B3GNT6: variants seen among roughly 807,000 people sequenced by gnomAD.
The protein encoded by B3GNT6 is UDP-GlcNAc:betaGal beta-1,3-N-acetylglucosaminyltransferase 6, also known as acetylgalactosaminyl-O-glycosyl-glycoprotein beta-1,3-N-acetylglucosaminyltransferase.
For missense variants in B3GNT6, 624 were observed against 568.6 expected, an observed-to-expected ratio of 1.10 and a Z score of -0.99; for synonymous variants, 300 against 270.0, an observed-to-expected ratio of 1.11 and a Z score of -1.09.
intron 1 of B3GNT6, among the ~76,000 whole-genome samples, chr11:77,038,333 G>C (rs1949655344): frequency 6.6e-6 from 1 of 151,420 alleles, no homozygotes; most frequent in Admixed American, 6.6e-5. Context: ...GCTGAGGTGG[G>C]AGGATCACTT....
chr11:77,039,603 C>T lies in B3GNT6; in HGVS notation c.52C>T (p.Leu18=). The change falls in exon 2 of 2, where the codon CTG becomes TTG. Residue 18 remains leucine, a synonymous_variant. Transcript: ENST00000622824. ...GACTGCCAAGACTCTGGCCTGCCTCCTGGTGGGCGTGAGTTTCTTAGCACT... is the reference window on the plus strand; with the variant it reads ...GACTGCCAAGACTCTGGCCTGCCTCTTGGTGGGCGTGAGTTTCTTAGCACT... The part of the protein sequence containing the change: ...SLTAKTLACL[L]VGVSFLALQQ... 5 of 1,610,038 alleles carry T rather than the reference C, an allele frequency of 3.1e-6. No homozygotes were observed. The highest frequency in any genetic ancestry group is 4.2e-6 in the Non-Finnish European group (5 of 1,178,360).
intron 1 of B3GNT6, among the ~76,000 whole-genome samples, chr11:77,036,158 A>G (rs1949631540): frequency 6.6e-6 from 1 of 152,088 alleles, no homozygotes; most frequent in Non-Finnish European, 1.5e-5. Flanking sequence ...CATTCATTGA[A>G]AAAAAAATAT....
chr11:77,034,449 T>C lies in B3GNT6; in HGVS notation c.-30T>C, dbSNP rs1555026728. 6.5e-6 allele frequency: 1 copy of C among 152,712 alleles called. No individual in the cohort carries two copies. Among genetic ancestry groups the C allele is most frequent in the Non-Finnish European group, 1.5e-5 (1 of 68,142 alleles). 9.5% of individuals were successfully genotyped at this position (152,712 alleles called of 1,614,324 possible). A position where few individuals can be genotyped will look rare whatever the true frequency, so the allele number is the denominator to read the frequency against. On this transcript the variant is annotated 5_prime_UTR_variant, in exon 1 of 2. Coordinates refer to ENST00000622824, the MANE Select transcript of B3GNT6 (RefSeq NM_138706.5). The stretch of plus-strand genomic sequence containing the variant: ...CTAGTCTCAGGCTGGGGATGGCTCC[T>C]GTCTATTTCTTCTCTCTCAGAGACT...
In B3GNT6 at chr11:77,041,956, CAAAAA is replaced by C. The variant is rs34049682; in HGVS notation, c.*1263_*1267del. ...TGGGCGACAGAGCAAGACTGCATCT[CAAAAA>C]AAAAAAAAAAAAGGAGAGTTTGCAA... On this transcript the variant is annotated 3_prime_UTR_variant, in exon 2 of 2. Coordinates refer to ENST00000622824, the MANE Select transcript of B3GNT6 (RefSeq NM_138706.5). The C allele has an allele frequency of 3.0e-5, 3 of 98,552 alleles. No individual in the cohort carries two copies. The highest frequency in any genetic ancestry group is 6.4e-5 in the Non-Finnish European group (3 of 46,736). 6.1% of individuals were successfully genotyped at this position (98,552 alleles called of 1,614,324 possible). A position where few individuals can be genotyped will look rare whatever the true frequency, so the allele number is the denominator to read the frequency against.
intron 1 of B3GNT6, among the ~76,000 whole-genome samples, chr11:77,034,727 T>G (rs988338872): frequency 1.3e-5 from 2 of 152,226 alleles, no homozygotes; most frequent in Admixed American, 1.3e-4. Flanking sequence ...ATGAATATTC[T>G]GCTATACGAA....
chr11:77,041,032 G>A lies in B3GNT6; in HGVS notation c.*326G>A. 3.2e-6 allele frequency: 1 copy of A among 314,464 alleles called. No individual in the cohort carries two copies. The highest frequency in any genetic ancestry group is 5.7e-6 in the Non-Finnish European group (1 of 174,332). The allele number at this position is 314,464 out of a possible 1,614,324, so 19.5% of individuals were successfully genotyped here. A position where few individuals can be genotyped will look rare whatever the true frequency, so the allele number is the denominator to read the frequency against. On this transcript the variant is annotated 3_prime_UTR_variant, in exon 2 of 2. Transcript: ENST00000622824. ...CAAAGCCAGCTCCACCGCCCTCTCT[G>A]CAAGAATTCCGGGCCCCTCGCTCCC... is the stretch of plus-strand genomic sequence containing the variant.
rs782378349 is a variant in B3GNT6, at chr11:77,040,044, G to T, written c.493G>T (p.Glu165Ter). Reference sequence around the variant, plus strand: ...ATTGGGCACCCCGGGCCCCGAGGACGAGGCGCGCGCGGAGCGGCTGGCGGA... The same window carrying T: ...ATTGGGCACCCCGGGCCCCGAGGACTAGGCGCGCGCGGAGCGGCTGGCGGA... ...FLLGTPGPEDEARAERLAELV... is the reference protein window; with the variant it reads ...FLLGTPGPED The change falls in exon 2 of 2, where the codon GAG becomes TAG. Residue 165 changes from glutamate to a stop codon, truncating the protein, a stop_gained. Coordinates refer to ENST00000622824, the MANE Select transcript of B3GNT6 (RefSeq NM_138706.5). LOFTEE classifies it low-confidence loss of function (END_TRUNC). 1.1e-5 allele frequency: 18 copies of T among 1,582,030 alleles called. No homozygotes were observed. Among genetic ancestry groups the T allele is most frequent in the African/African-American group, 8.2e-5 (6 of 73,554 alleles).
At position 77,040,340 on chromosome 11, in the gene B3GNT6, G is replaced by A. The variant is rs1303473723; in HGVS notation, c.789G>A (p.Lys263=). 4 of 1,552,870 alleles carry A rather than the reference G, an allele frequency of 2.6e-6. No homozygotes were observed. Among genetic ancestry groups the A allele is most frequent in the Non-Finnish European group, 1.7e-6 (2 of 1,156,660 alleles). ...GSVPIRDSWS[K]YFVPPQLFPG... is the part of the protein sequence containing the mutation. ...TGCCCATCCGCGACAGCTGGAGCAA[G>A]TACTTCGTGCCGCCGCAGCTCTTCC... The change falls in exon 2 of 2, where the codon AAG becomes AAA. Residue 263 remains lysine (K), a synonymous_variant. Transcript: ENST00000622824.
rs782600984 is a variant in B3GNT6, at chr11:77,039,594, GCCTGCCT to G, written c.48_54del (p.Cys16TrpfsTer4). Reference sequence around the variant, plus strand: ...CAGGTCCCTGACTGCCAAGACTCTGGCCTGCCTCCTGGTGGGCGTGAGTTTCTTAGCA... The same window carrying G: ...CAGGTCCCTGACTGCCAAGACTCTGGCCTGGTGGGCGTGAGTTTCTTAGCA... On this transcript the variant is annotated frameshift_variant, in exon 2 of 2. Coordinates refer to ENST00000622824, the MANE Select transcript of B3GNT6 (RefSeq NM_138706.5). LOFTEE classifies it low-confidence loss of function (END_TRUNC). 3.1e-6 allele frequency: 5 copies of G among 1,607,376 alleles called. No individual in the cohort carries two copies. The East Asian group carries it at 1.1e-4, about 36-fold the overall frequency.
intron 1 of B3GNT6, among the ~76,000 whole-genome samples, chr11:77,038,575 CAAAT>C (rs1363763469): frequency 2.6e-5 from 4 of 151,972 alleles, no homozygotes; most frequent in South Asian, 2.1e-4. Context: ...GACCCTGTCT[CAAAT>C]AAATAAATAG....
At chr11:77,039,451 G>A in intron 1 of B3GNT6, 101 bp from the exon 2 acceptor site, 4 of 1,497,292 alleles carry the variant, frequency 2.7e-6, no homozygotes, top group Middle Eastern at 1.8e-4. Context: ...TTGAGAAGGG[G>A]CTGGAGCTGG....
chr11:77,041,484 C>A lies in B3GNT6; in HGVS notation c.*778C>A, dbSNP rs1555028049. 6.6e-6 allele frequency: 1 copy of A among 152,482 alleles called. No individual in the cohort carries two copies. The highest frequency in any genetic ancestry group is 1.5e-5 in the Non-Finnish European group (1 of 68,234). The allele number at this position is 152,482 out of a possible 1,614,324, so 9.4% of individuals were successfully genotyped here. ...CACCCCCACGGGTCAGAGACAGGCT[C>A]CTTGCCGGGGTCTGGGCCTCAGGCT... On this transcript the variant is annotated 3_prime_UTR_variant, in exon 2 of 2. Transcript: ENST00000622824.
Position 77,040,903 on chromosome 11 carries a change from C to T in B3GNT6, c.*197C>T. On this transcript the variant is annotated 3_prime_UTR_variant, in exon 2 of 2. Coordinates refer to ENST00000622824, the MANE Select transcript of B3GNT6 (RefSeq NM_138706.5). ...CTCCCGAAGTTTCGATTTGATTAGTCTGGGGTGGACCCAGACATGTTAAGT... is the reference window on the plus strand; with the variant it reads ...CTCCCGAAGTTTCGATTTGATTAGTTTGGGGTGGACCCAGACATGTTAAGT... 1 of 861,870 alleles carries T rather than the reference C, an allele frequency of 1.2e-6. No individual in the cohort carries two copies. Among genetic ancestry groups the T allele is most frequent in the Non-Finnish European group, 1.6e-6 (1 of 607,076 alleles). The allele number at this position is 861,870 out of a possible 1,614,324, so 53.4% of individuals were successfully genotyped here.
Position 77,040,493 on chromosome 11 carries a change from G to C in B3GNT6, c.942G>C (p.Met314Ile). 1 of 1,541,556 alleles carries C rather than the reference G, an allele frequency of 6.5e-7. No individual in the cohort carries two copies. Residue 314 changes from methionine (M) to isoleucine (I), a missense_variant, in exon 2 of 2, where the codon ATG (methionine) becomes ATC (isoleucine). Physicochemically the swap from Met to Ile is conservative, Grantham distance 10. Transcript: ENST00000622824. The part of the protein sequence containing the change: ...LFPIDDAYMG[M>I]CLERAGLAPS... Reference sequence around the variant, plus strand: ...CCATCGACGACGCCTACATGGGCATGTGTCTGGAGCGCGCCGGCCTGGCGC... The same window carrying C: ...CCATCGACGACGCCTACATGGGCATCTGTCTGGAGCGCGCCGGCCTGGCGC...
intron 1 of B3GNT6, among the ~76,000 whole-genome samples, chr11:77,039,135 T>C (rs1405061322): frequency 1.3e-5 from 2 of 151,992 alleles, no homozygotes; most frequent in Non-Finnish European, 2.9e-5. Flanking sequence ...GAGAGGGATG[T>C]AGGGCGCAGA....
At chr11:77,038,758 T>C (rs1432087978) in intron 1 of B3GNT6, among the ~76,000 whole-genome samples, 5 of 151,346 alleles carry the variant, frequency 3.3e-5, no homozygotes, top group African/African-American at 1.2e-4. Flanking sequence ...AGGTGAATGT[T>C]TGGGAACAGC....
chr11:77,040,712 G>C lies in B3GNT6; in HGVS notation c.*6G>C, dbSNP rs1555027895. The C allele has an allele frequency of 4.4e-5, 68 of 1,559,036 alleles. No homozygotes were observed. The highest frequency in any genetic ancestry group is 5.9e-5 in the Non-Finnish European group (68 of 1,158,814). On this transcript the variant is annotated 3_prime_UTR_variant, in exon 2 of 2. Transcript: ENST00000622824. ...GGGGACACCGGGTCTCCTGAGGCCA[G>C]TTGGGCGGCTTCAGCCCCGGGCCTC...
intron 1 of B3GNT6, among the ~76,000 whole-genome samples, chr11:77,036,581 A>T (rs10899346): frequency 0.42 from 64,570 of 152,132 alleles, 15,456 homozygotes; most frequent in African/African-American, 0.67. Context: ...CCTAACAGCT[A>T]ATATTTACTG....
chr11:77,039,614 G>C lies in B3GNT6; in HGVS notation c.63G>C (p.Val21=). The C allele has an allele frequency of 6.2e-7, 1 of 1,611,234 alleles. No individual in the cohort carries two copies. Among genetic ancestry groups the C allele is most frequent in the Non-Finnish European group, 8.5e-7 (1 of 1,178,826 alleles). ...AKTLACLLVG[V]SFLALQQWFL... is the part of the protein sequence containing the mutation. ...CTCTGGCCTGCCTCCTGGTGGGCGT[G>C]AGTTTCTTAGCACTGCAGCAGTGGT... Residue 21 remains valine (V), a synonymous_variant, in exon 2 of 2, where the codon GTG becomes GTC. Coordinates refer to ENST00000622824, the MANE Select transcript of B3GNT6 (RefSeq NM_138706.5).
Sources: gnomAD v4.1 joint callset for allele counts (sites outside exome capture counted in the v4.1 genomes callset) on GRCh38, gnomAD v4.1.1 for gene constraint, MANE v1.5 for transcripts, NCBI Gene and HGNC (gene_info 2026-07-23, HGNC 2026-07-21) for gene names.